The following FAM168A variants were observed in gnomAD, a reference collection of about 807,000 sequenced individuals.
FAM168A encodes the protein protein FAM168A.
FAM168A carries 3 observed loss-of-function variants against 28.5 expected under a neutral mutation model. That is an observed-to-expected ratio of 0.11 (90% CI 0.05 to 0.27). The LOEUF is 0.27. Ranked by LOEUF, FAM168A falls within the 10% of genes least tolerant of loss-of-function variation. The pLI is 1.00. For synonymous variants in FAM168A, 122 were observed against 124.2 expected, an observed-to-expected ratio of 0.98 and a Z score of 0.12; for missense variants, 222 against 311.5, an observed-to-expected ratio of 0.71 and a Z score of 2.16.
rs193128490 is a variant in FAM168A, at chr11:73,551,627, G to T, written c.-19+46296C>A. 3.9e-4 allele frequency among the ~76,000 whole-genome samples: 59 copies of T among 152,262 alleles called. 1 individual carries two copies. The highest frequency in any genetic ancestry group is 3.7e-3 in the Admixed American group (56 of 15,300). On this transcript the variant is annotated intron_variant, in intron 1 of 7. Transcript: ENST00000356467. ...TTTTGGAAAAACATTTCAGCCAGAC[G>T]ATCACATCTGTGCAGTGTGCAACAA...
chr11:73,444,740 CTAGAATTCCT>C (rs1867268400), intron 2 of FAM168A, among the ~76,000 whole-genome samples: 1 of 152,194 alleles, frequency 6.6e-6, no homozygotes, highest in Non-Finnish European at 1.5e-5. Flanking sequence ...TAAACCCAAT[CTAGAATTCCT>C]TAAGTAAATT....
At chr11:73,508,829 T>G (rs947730050) in intron 1 of FAM168A, among the ~76,000 whole-genome samples, 2 of 152,142 alleles carry the variant, frequency 1.3e-5, no homozygotes, top group African/African-American at 2.4e-5. Flanking sequence ...AAAAAGCCAG[T>G]GTAATATGAT....
At chr11:73,457,030 T>G (rs1242341604) in intron 2 of FAM168A, among the ~76,000 whole-genome samples, 3 of 152,192 alleles carry the variant, frequency 2.0e-5, no homozygotes, top group East Asian at 1.9e-4. Context: ...CAAGAACAGA[T>G]GAATGAATAA....
intron 1 of FAM168A, among the ~76,000 whole-genome samples, chr11:73,596,751 C>G (rs1944443212): frequency 6.6e-6 from 1 of 152,110 alleles, no homozygotes; most frequent in Non-Finnish European, 1.5e-5. Context: ...CTCTCCAGCA[C>G]AGCTCACTGT....
At chr11:73,507,706 C>T (rs116789304) in intron 1 of FAM168A, among the ~76,000 whole-genome samples, 2,440 of 152,190 alleles carry the variant, frequency 0.016, 66 homozygotes, top group African/African-American at 0.056. Context: ...TGTAAATGAA[C>T]GTGCAATATT....
chr11:73,569,713 T>G (rs1372813854), intron 1 of FAM168A, among the ~76,000 whole-genome samples: 1 of 151,972 alleles, frequency 6.6e-6, no homozygotes, highest in Non-Finnish European at 1.5e-5. Context: ...TCTCAGCTAC[T>G]CAGGAGGCTG....
At chr11:73,544,965 T>A (rs535145921) in intron 1 of FAM168A, among the ~76,000 whole-genome samples, 2 of 89,164 alleles carry the variant, frequency 2.2e-5, no homozygotes, top group Admixed American at 3.3e-4. Flanking sequence ...TTATATATAA[T>A]ATATATTATA....
chr11:73,457,723 C>CAAAAAAAAAA (rs58142151), intron 2 of FAM168A, among the ~76,000 whole-genome samples: 300 of 37,344 alleles, frequency 8.0e-3, no homozygotes, highest in Middle Eastern at 0.033. Context: ...GCCTGGGTGA[C>CAAAAAAAAAA]AAAAAAAAAA....
In FAM168A at chr11:73,537,418, G is replaced by A. The variant is rs536277360; in HGVS notation, c.-19+60505C>T. ...TCTACTAAAAATACAAAAATTAGCC[G>A]GGCATGGTGGCATGCGCCTATAGTC... On this transcript the variant is annotated intron_variant, in intron 1 of 7. Transcript: ENST00000356467. Among the ~76,000 whole-genome samples the A allele has an allele frequency of 5.0e-3, 766 of 152,064 alleles. 8 individuals are homozygous for A. Among genetic ancestry groups the A allele is most frequent in the African/African-American group, 0.018 (732 of 41,486 alleles).
intron 1 of FAM168A, among the ~76,000 whole-genome samples, chr11:73,585,066 CT>C (rs1944295865): frequency 6.6e-6 from 1 of 152,036 alleles, no homozygotes; most frequent in Non-Finnish European, 1.5e-5. Flanking sequence ...AGTTTGATCT[CT>C]GTTGCAAGAA....
chr11:73,557,105 T>C (rs914141516), intron 1 of FAM168A, among the ~76,000 whole-genome samples: 1 of 151,972 alleles, frequency 6.6e-6, no homozygotes, highest in Non-Finnish European at 1.5e-5. Flanking sequence ...TGTCTGTTGA[T>C]GGATGAATGG....
At position 73,413,801 on chromosome 11, in the gene FAM168A, C is replaced by G. The variant is rs1244421651; in HGVS notation, c.278-2265G>C. Among the ~76,000 whole-genome samples the G allele has an allele frequency of 2.6e-5, 4 of 152,284 alleles. No individual in the cohort carries two copies. The East Asian group carries it at 7.7e-4, about 29-fold the overall frequency. ...ATAGGATGGGCTGGATGTGATGGCT[C>G]TCACCTATAATCCCAGCACTTTGGG... On this transcript the variant is annotated intron_variant, in intron 4 of 7. Coordinates refer to ENST00000356467, the MANE Select transcript of FAM168A (RefSeq NM_015159.3).
intron 1 of FAM168A, among the ~76,000 whole-genome samples, chr11:73,473,438 G>A (rs1420718022): frequency 1.3e-5 from 2 of 152,188 alleles, no homozygotes; most frequent in Non-Finnish European, 2.9e-5. Flanking sequence ...CAGGGAGGCA[G>A]TTCATATCTA....
At chr11:73,409,031 A>G (rs57795042) in intron 6 of FAM168A, among the ~76,000 whole-genome samples, 4,524 of 152,130 alleles carry the variant, frequency 0.03, 239 homozygotes, top group African/African-American at 0.1. Context: ...TCCACTCTGC[A>G]GCCAGAGAAT....
chr11:73,550,027 A>G (rs1943807054), intron 1 of FAM168A, among the ~76,000 whole-genome samples: 2 of 152,228 alleles, frequency 1.3e-5, no homozygotes, highest in Non-Finnish European at 2.9e-5. Context: ...ACTGGTTAAA[A>G]TTTATCATAC....
At chr11:73,580,716 G>A (rs1026758684) in intron 1 of FAM168A, among the ~76,000 whole-genome samples, 3 of 152,236 alleles carry the variant, frequency 2.0e-5, no homozygotes, top group Non-Finnish European at 4.4e-5. Flanking sequence ...AAGCTGGATT[G>A]ATGTGGGGAA....
chr11:73,410,209 C>T (rs1396220303), intron 5 of FAM168A, among the ~76,000 whole-genome samples: 1 of 152,022 alleles, frequency 6.6e-6, no homozygotes, highest in Non-Finnish European at 1.5e-5. Flanking sequence ...AGTTCGAGAC[C>T]AGCCCGACCA....
At chr11:73,455,850 C>T (rs944809937) in intron 2 of FAM168A, among the ~76,000 whole-genome samples, 1 of 152,206 alleles carries the variant, frequency 6.6e-6, no homozygotes, top group African/African-American at 2.4e-5. Flanking sequence ...ACCTATGTGG[C>T]TTACTGCTTT....
intron 2 of FAM168A, among the ~76,000 whole-genome samples, chr11:73,442,177 G>A (rs1411360345): frequency 6.7e-6 from 1 of 148,768 alleles, no homozygotes; most frequent in Non-Finnish European, 1.5e-5. Flanking sequence ...CCAGGCTGGA[G>A]TGCAATGGCA....
Sources: allele counts gnomAD v4.1 joint callset (sites outside exome capture counted in the v4.1 genomes callset), GRCh38; gene constraint gnomAD v4.1.1; transcripts MANE v1.5; gene names NCBI Gene and HGNC (gene_info 2026-07-23, HGNC 2026-07-21).